SLA2: variants seen among roughly 807,000 people sequenced by gnomAD.
SLA2 encodes Src like adaptor 2, also known as src-like-adapter 2.
A neutral mutation model predicts 27.3 loss-of-function variants in SLA2; 22 were observed. That is an observed-to-expected ratio of 0.81 (90% confidence interval 0.58 to 1.15). The LOEUF (loss-of-function observed/expected upper bound fraction) is 1.15. SLA2 is among the 50% of genes most tolerant of loss of function. The pLI, the probability that SLA2 is intolerant of heterozygous loss-of-function variation, is 0.00. For synonymous variants in SLA2, 131 were observed against 137.8 expected, an observed-to-expected ratio of 0.95 and a Z score of 0.34; for missense variants, 304 against 322.2, an observed-to-expected ratio of 0.94 and a Z score of 0.43.
At chr20:36,614,534 G>A in intron 6 of SLA2, 97 bp from the exon 7 acceptor site, 1 of 1,499,798 alleles carries the variant, frequency 6.7e-7, no homozygotes, top group Admixed American at 2.3e-5. Context: ...GCAGGAGGGG[G>A]CATGGTTACC....
chr20:36,618,017 G>T (rs1278550415), intron 5 of SLA2, among the ~76,000 whole-genome samples: 6 of 137,580 alleles, frequency 4.4e-5, no homozygotes, highest in East Asian at 2.3e-4. Context: ...CGTGGTGGCG[G>T]GCGCCTGTAG....
intron 7 of SLA2, 41 bp downstream of exon 7, chr20:36,614,264 C>A (rs112905697): frequency 6.2e-7 from 1 of 1,614,074 alleles, no homozygotes; most frequent in Non-Finnish European, 8.5e-7. Context: ...CCTTCTAACT[C>A]TTGGTCCTGC....
In SLA2 at chr20:36,641,368, T is replaced by A; in HGVS notation, c.-33A>T. 6.3e-7 allele frequency: 1 copy of A among 1,581,452 alleles called. No individual in the cohort carries two copies. The highest frequency in any genetic ancestry group is 8.7e-7 in the Non-Finnish European group (1 of 1,150,880). ...CAGCAGAGCACTCAGAAGCACATCA[T>A]CGAGGGAAATCTGAAAGAGACACAG... On this transcript the variant is annotated 5_prime_UTR_variant, in exon 2 of 8. It removes an upstream start codon present in the reference 5' UTR. Transcript: ENST00000262866.
chr20:36,613,395 C>T lies in SLA2; in HGVS notation c.*471G>A, dbSNP rs1464727596. 1.3e-5 allele frequency: 2 copies of T among 154,844 alleles called. No individual in the cohort carries two copies. Among genetic ancestry groups the T allele is most frequent in the African/African-American group, 4.8e-5 (2 of 41,470 alleles). The allele number at this position is 154,844 out of a possible 1,614,324, so 9.6% of individuals were successfully genotyped here. ...CTTTCCCTTCTAGGCCACAGTCCTA[C>T]CTTCTGAGGTATGGTGGTGGTCTCA... On this transcript the variant is annotated 3_prime_UTR_variant, in exon 8 of 8. Transcript: ENST00000262866.
At chr20:36,637,464 G>A (rs1265056781) in intron 2 of SLA2, among the ~76,000 whole-genome samples, 1 of 151,152 alleles carries the variant, frequency 6.6e-6, no homozygotes, top group Non-Finnish European at 1.5e-5. Context: ...CAGAGTGCTG[G>A]GATTACAGGC....
In SLA2 at chr20:36,615,335, G is replaced by A. The variant is rs777208738; in HGVS notation, c.422C>T (p.Ser141Phe). 9 of 1,614,022 alleles carry A rather than the reference G, an allele frequency of 5.6e-6. No individual in the cohort carries two copies. In the African/African-American group the frequency reaches 1.2e-4, roughly 22 times the overall value. The change falls in exon 6 of 8, where the codon TCC (serine) becomes TTC (phenylalanine). Residue 141 changes from serine to phenylalanine, a missense_variant. Coordinates refer to ENST00000262866, the MANE Select transcript of SLA2 (RefSeq NM_032214.4). The stretch of plus-strand genomic sequence containing the variant: ...CCTGTAGTGTCTGATCCGGTCCCAG[G>A]ATGCAGGGCGGCTGAGGCGGACTGA... Reference protein sequence around the residue: ...SLSVRLSRPASWDRIRHYRIH... With the variant: ...SLSVRLSRPAFWDRIRHYRIH...
chr20:36,620,493 A>G (rs2039270213), intron 5 of SLA2: 5 of 218,534 alleles, frequency 2.3e-5, no homozygotes, highest in South Asian at 2.0e-4. Flanking sequence ...AGCAGAGTCG[A>G]AAAAAGGATT....
chr20:36,625,212 C>A (rs2039324200), intron 5 of SLA2, among the ~76,000 whole-genome samples: 1 of 140,548 alleles, frequency 7.1e-6, no homozygotes, highest in South Asian at 2.1e-4. Context: ...GACCACGTAC[C>A]CTGATTTTTT....
chr20:36,636,956 C>T (rs1161823088), intron 2 of SLA2, among the ~76,000 whole-genome samples: 1 of 151,490 alleles, frequency 6.6e-6, no homozygotes, highest in Non-Finnish European at 1.5e-5. Context: ...GTCCCCCACC[C>T]CCCCCAAAAA....
intron 5 of SLA2, among the ~76,000 whole-genome samples, chr20:36,630,077 A>C (rs2039378550): frequency 6.6e-6 from 1 of 152,172 alleles, no homozygotes; most frequent in South Asian, 2.1e-4. Flanking sequence ...AGGCCAGAGA[A>C]TGGGCCAGGG....
chr20:36,615,464 A>G, intron 5 of SLA2, 90 bp from the exon 6 acceptor site: 1 of 1,536,690 alleles, frequency 6.5e-7, no homozygotes, highest in Non-Finnish European at 8.9e-7. Context: ...CAACGTGACC[A>G]TGGGGCCCCG....
At position 36,614,138 on chromosome 20, in the gene SLA2, CACCT is replaced by C; in HGVS notation, c.666-156_666-153del. The C allele has an allele frequency of 2.7e-6, 4 of 1,474,492 alleles. No homozygotes were observed. The South Asian group carries it at 5.0e-5, about 19-fold the overall frequency. The allele number at this position is 1,474,492 out of a possible 1,614,324, so 91.3% of individuals were successfully genotyped here. A position where few individuals can be genotyped will look rare whatever the true frequency, so the allele number is the denominator to read the frequency against. ...CCTATCAGATCAGCTTCCCCAGCCC[CACCT>C]GTCGAGCCTGGGCCGTGCTCCAGGA... On this transcript the variant is annotated intron_variant, in intron 7 of 7. Coordinates refer to ENST00000262866, the MANE Select transcript of SLA2 (RefSeq NM_032214.4).
At chr20:36,641,179 C>T in intron 2 of SLA2, 66 bp downstream of exon 2, 3 of 1,375,404 alleles carry the variant, frequency 2.2e-6, no homozygotes, top group Non-Finnish European at 3.1e-6. Context: ...CCAGGAAGGC[C>T]CACAGAGGCA....
At chr20:36,636,282 G>A (rs929897996) in intron 2 of SLA2, among the ~76,000 whole-genome samples, 14 of 145,868 alleles carry the variant, frequency 9.6e-5, no homozygotes, top group East Asian at 1.9e-4. Context: ...TTAGCCGGGC[G>A]CGGTGGCGGG....
intron 2 of SLA2, among the ~76,000 whole-genome samples, chr20:36,636,946 G>C (rs894249140): frequency 6.6e-6 from 1 of 151,496 alleles, no homozygotes; most frequent in Non-Finnish European, 1.5e-5. Flanking sequence ...GCAAGATTCC[G>C]TCCCCCACCC....
chr20:36,624,209 A>G (rs2147983976), intron 5 of SLA2, among the ~76,000 whole-genome samples: 1 of 152,256 alleles, frequency 6.6e-6, no homozygotes, highest in East Asian at 1.9e-4. Flanking sequence ...CTCAGCAGGA[A>G]GGAGGGGTCA....
chr20:36,637,624 C>CTTTTTTTTT (rs36100264), intron 2 of SLA2, among the ~76,000 whole-genome samples: 1 of 80,944 alleles, frequency 1.2e-5, no homozygotes, highest in Non-Finnish European at 2.2e-5. Context: ...GTGAAGTTTG[C>CTTTTTTTTT]TTTTTTTTTT....
rs187930045 is a variant in SLA2 at position 36,614,228 on chromosome 20, C to T, written c.665+77G>A. 66 of 1,607,776 alleles carry T rather than the reference C, an allele frequency of 4.1e-5. No homozygotes were observed. The Admixed American group carries it at 5.5e-4, about 13-fold the overall frequency. On this transcript the variant is annotated intron_variant, in intron 7 of 7. Coordinates refer to ENST00000262866, the MANE Select transcript of SLA2 (RefSeq NM_032214.4). Reference sequence around the variant, plus strand: ...GTCCCTGAGTGTGACAGGTACATTCCGGGTTGTGGCTTCCCAGGGGTGGGT... The same window carrying T: ...GTCCCTGAGTGTGACAGGTACATTCTGGGTTGTGGCTTCCCAGGGGTGGGT...
chr20:36,612,426 G>A lies in SLA2; in HGVS notation c.*1440C>T, dbSNP rs2039147800. 1 of 607,318 alleles carries A rather than the reference G, an allele frequency of 1.6e-6. No individual in the cohort carries two copies. Among genetic ancestry groups the A allele is most frequent in the Non-Finnish European group, 2.9e-6 (1 of 344,764 alleles). 37.6% of individuals were successfully genotyped at this position (607,318 alleles called of 1,614,324 possible). On this transcript the variant is annotated 3_prime_UTR_variant, in exon 8 of 8. Coordinates refer to ENST00000262866, the MANE Select transcript of SLA2 (RefSeq NM_032214.4). ...GGTGTAGAGTTTTTAAACTATCAAT[G>A]GCATTTCAAGTCTTCTGAAACAGCA... is the stretch of plus-strand genomic sequence containing the variant.
Sources: allele counts gnomAD v4.1 joint callset (sites outside exome capture counted in the v4.1 genomes callset), GRCh38; gene constraint gnomAD v4.1.1; transcripts MANE v1.5; gene names NCBI Gene and HGNC (gene_info 2026-07-23, HGNC 2026-07-21).